The following PRKCQ variants were observed in gnomAD, a reference collection of about 807,000 sequenced individuals.
PRKCQ encodes protein kinase C theta type.
A neutral mutation model predicts 91.2 loss-of-function variants in PRKCQ; 41 were observed. The observed-to-expected ratio is 0.45, with a 90% CI of 0.35 to 0.58. The LOEUF is 0.58. PRKCQ is among the 20% of genes least tolerant of loss of function. The pLI is 0.00. For synonymous variants in PRKCQ, 307 were observed against 316.9 expected (o/e 0.97, Z 0.33); for missense variants, 673 against 896.5 (o/e 0.75, Z 3.18).
intron 17 of PRKCQ, among the ~76,000 whole-genome samples, chr10:6,429,411 G>A (rs1173799397): frequency 6.6e-6 from 1 of 152,156 alleles, no homozygotes. Flanking sequence ...TGGCCTGTTG[G>A]GTCCTTGGAA....
chr10:6,422,497 A>T (rs117310455), downstream of PRKCQ, among the ~76,000 whole-genome samples: 1 of 152,116 alleles, frequency 6.6e-6, no homozygotes, highest in African/African-American at 2.4e-5. Flanking sequence ...CAGGCTTGGG[A>T]TCTAGTTCCA....
rs140889486 is a variant in PRKCQ, at chr10:6,436,868, C to T, written c.1836+5025G>A. 3.3e-5 allele frequency among the ~76,000 whole-genome samples: 5 copies of T among 152,278 alleles called. No homozygotes were observed. The East Asian group carries it at 9.6e-4, about 29-fold the overall frequency. On this transcript the variant is annotated intron_variant, in intron 16 of 17. Coordinates refer to ENST00000263125, the MANE Select transcript of PRKCQ (RefSeq NM_006257.5). The stretch of plus-strand genomic sequence containing the variant: ...AATCATCACTTCCAACTTCTCTCCA[C>T]GGAATTACTTCTGGTTACCTCTGTC...
chr10:6,520,964 C>T (rs146565586), intron 1 of PRKCQ, among the ~76,000 whole-genome samples: 57 of 152,314 alleles, frequency 3.7e-4, no homozygotes, highest in African/African-American at 1.3e-3. Context: ...CTCCTCAGAA[C>T]GAGTGCATTT....
At chr10:6,433,091 T>A (rs944713) in intron 16 of PRKCQ, among the ~76,000 whole-genome samples, 27,292 of 152,166 alleles carry the variant, frequency 0.18, 3,154 homozygotes, top group Non-Finnish European at 0.24. Flanking sequence ...GACTGATACA[T>A]CATCCACTCC....
At chr10:6,479,755 C>G (rs1186694143) in intron 11 of PRKCQ, among the ~76,000 whole-genome samples, 4 of 126,624 alleles carry the variant, frequency 3.2e-5, no homozygotes, top group Non-Finnish European at 6.4e-5. Flanking sequence ...CATGGTGAAA[C>G]CCCGTCTCGA....
chr10:6,529,899 A>G (rs1839329730), intron 1 of PRKCQ, among the ~76,000 whole-genome samples: 1 of 152,206 alleles, frequency 6.6e-6, no homozygotes, highest in Non-Finnish European at 1.5e-5. Flanking sequence ...TGATCACACC[A>G]CACTTTTCTA....
At chr10:6,535,879 G>C (rs1236858321) in intron 1 of PRKCQ, among the ~76,000 whole-genome samples, 1 of 152,158 alleles carries the variant, frequency 6.6e-6, no homozygotes, top group African/African-American at 2.4e-5. Flanking sequence ...CAACTGCTGT[G>C]GATTTGCCAT....
intron 1 of PRKCQ, among the ~76,000 whole-genome samples, chr10:6,529,814 C>A (rs1438523048): frequency 6.6e-6 from 1 of 152,158 alleles, no homozygotes; most frequent in East Asian, 1.9e-4. Flanking sequence ...GGGTCTATGT[C>A]TGTGTTGTGA....
chr10:6,567,753 T>G (rs928086521), intron 1 of PRKCQ, among the ~76,000 whole-genome samples: 2 of 152,236 alleles, frequency 1.3e-5, no homozygotes, highest in Non-Finnish European at 2.9e-5. Flanking sequence ...TTCTTTGGTT[T>G]CATAATGTTG....
intron 1 of PRKCQ, among the ~76,000 whole-genome samples, chr10:6,528,561 A>T (rs1357934130): frequency 6.6e-6 from 1 of 152,090 alleles, no homozygotes; most frequent in African/African-American, 2.4e-5. Context: ...ATGCTTCTCC[A>T]TCTCCCTGTC....
Position 6,465,507 on chromosome 10 carries a change from AC to A in PRKCQ, c.1354-1104del, listed in dbSNP as rs1374895794. On this transcript the variant is annotated intron_variant, in intron 12 of 17. Coordinates refer to ENST00000263125, the MANE Select transcript of PRKCQ (RefSeq NM_006257.5). The surrounding 1 kb of genome is among the most constrained non-coding windows in gnomAD (Gnocchi z 4.4). ...AATGTATTTATAACACTTTAGAGAA[AC>A]CTGATTTTTTAAAGGGTTGTAATGC... Among the ~76,000 whole-genome samples the A allele has an allele frequency of 1.3e-5, 2 of 152,166 alleles. No individual in the cohort carries two copies. Among genetic ancestry groups the A allele is most frequent in the East Asian group, 3.8e-4 (2 of 5,198 alleles).
chr10:6,482,937 C>T (rs534554356), intron 11 of PRKCQ, among the ~76,000 whole-genome samples: 33 of 152,204 alleles, frequency 2.2e-4, no homozygotes, highest in African/African-American at 7.5e-4. Flanking sequence ...TCCCATGACA[C>T]CTGGGGATTA....
chr10:6,520,236 T>C (rs541709), intron 1 of PRKCQ, among the ~76,000 whole-genome samples: 113,459 of 152,064 alleles, frequency 0.75, 43,137 homozygotes, highest in Admixed American at 0.85. Context: ...AAACTTGCCT[T>C]TTCCTTCATT....
chr10:6,484,764 G>A (rs965568268), intron 10 of PRKCQ, among the ~76,000 whole-genome samples: 4 of 152,178 alleles, frequency 2.6e-5, no homozygotes, highest in Non-Finnish European at 5.9e-5. Flanking sequence ...AAGTGGCTTT[G>A]AGTCCTTCTC....
At chr10:6,457,867 C>T (rs1835097416) in intron 14 of PRKCQ, among the ~76,000 whole-genome samples, 1 of 152,116 alleles carries the variant, frequency 6.6e-6, no homozygotes, top group South Asian at 2.1e-4. Context: ...TTATGAAGTG[C>T]CATTATCCCA....
chr10:6,559,831 G>A (rs1317013207), intron 1 of PRKCQ, among the ~76,000 whole-genome samples: 1 of 151,986 alleles, frequency 6.6e-6, no homozygotes, highest in Non-Finnish European at 1.5e-5. Context: ...TTTTGTGTGT[G>A]TGTGTTTGTT....
At chr10:6,420,609 T>C in the PRKCQ span, among the ~76,000 whole-genome samples, 1 of 152,250 alleles carries the variant, frequency 6.6e-6, no homozygotes, top group Non-Finnish European at 1.5e-5. Context: ...AAATTGGTTG[T>C]CTGAAAATGT....
At position 6,479,047 on chromosome 10, in the gene PRKCQ, G is replaced by C; in HGVS notation, c.1298C>G (p.Ser433Cys). 1 of 1,614,218 alleles carries C rather than the reference G, an allele frequency of 6.2e-7. No individual in the cohort carries two copies. The highest frequency in any genetic ancestry group is 8.5e-7 in the Non-Finnish European group (1 of 1,180,028). The part of the protein sequence containing the change: ...ECTMVEKRVL[S>C]LAWEHPFLTH... ...CAGAAACGGATGCTCCCAGGCCAAG[G>C]AAAGAACTCTCTTCTCTACCATCGT... Residue 433 changes from serine (S) to cysteine (C), a missense_variant, in exon 12 of 18, where the codon TCC becomes TGC. Transcript: ENST00000263125.
intron 14 of PRKCQ, among the ~76,000 whole-genome samples, chr10:6,458,967 G>C (rs1835180232): frequency 1.3e-5 from 2 of 152,090 alleles, no homozygotes; most frequent in African/African-American, 2.4e-5. Context: ...TCGATTTTGT[G>C]GTTCCTCTGG....
Sources: gnomAD v4.1 joint callset for allele counts (sites outside exome capture counted in the v4.1 genomes callset) on GRCh38, gnomAD v4.1.1 for gene constraint, Gnocchi (gnomAD v3.1) non-coding constraint, MANE v1.5 for transcripts, NCBI Gene and HGNC (gene_info 2026-07-23, HGNC 2026-07-21) for gene names.